CEP135: variants seen among roughly 807,000 people sequenced by gnomAD.
The protein encoded by CEP135 is centrosomal protein 135.
In CEP135, 142 loss-of-function variants were observed where a neutral mutation model predicts 157.3. That is an observed-to-expected ratio of 0.90 (90% confidence interval 0.79 to 1.04). CEP135 has a LOEUF of 1.04. CEP135 is among the 50% of genes least tolerant of loss of function. CEP135 has a pLI of 0.00. For synonymous variants in CEP135, 396 were observed against 439.8 expected, an observed-to-expected ratio of 0.90 and a Z score of 1.25; for missense variants, 1,317 against 1,309.2, an observed-to-expected ratio of 1.01 and a Z score of -0.09.
chr4:56,027,945 C>G (rs1245520778), intron 25 of CEP135, among the ~76,000 whole-genome samples: 2 of 152,128 alleles, frequency 1.3e-5, no homozygotes, highest in African/African-American at 2.4e-5. Context: ...CTTAACCTTC[C>G]CAGCTCCTAG....
chr4:55,978,175 C>T (rs1729285943), intron 11 of CEP135, among the ~76,000 whole-genome samples: 1 of 152,078 alleles, frequency 6.6e-6, no homozygotes, highest in African/African-American at 2.4e-5. Flanking sequence ...TCAGGGAACT[C>T]ATGTTTTACT....
intron 25 of CEP135, among the ~76,000 whole-genome samples, chr4:56,026,285 A>G (rs1049220172): frequency 6.6e-6 from 1 of 152,180 alleles, no homozygotes; most frequent in African/African-American, 2.4e-5. Flanking sequence ...TCCAGTCTGG[A>G]CAACAAAGCA....
intron 24 of CEP135, among the ~76,000 whole-genome samples, chr4:56,022,699 G>C (rs1731009433): frequency 6.6e-6 from 1 of 152,164 alleles, no homozygotes; most frequent in Non-Finnish European, 1.5e-5. Flanking sequence ...GACATACCCA[G>C]ACACAGGGAA....
intron 11 of CEP135, among the ~76,000 whole-genome samples, chr4:55,978,166 C>T (rs1376206922): frequency 3.3e-5 from 5 of 152,150 alleles, no homozygotes; most frequent in South Asian, 4.1e-4. Context: ...AGTAAATGTT[C>T]AGGGAACTCA....
At chr4:55,959,545 G>T (rs1560398401) in intron 5 of CEP135, 137 bp from the exon 6 acceptor site, 2 of 697,606 alleles carry the variant, frequency 2.9e-6, no homozygotes. Context: ...ATTGATTTGG[G>T]GACCCTTTGG....
At chr4:56,000,966 T>C (rs902416749) in intron 17 of CEP135, among the ~76,000 whole-genome samples, 1 of 152,156 alleles carries the variant, frequency 6.6e-6, no homozygotes, top group Non-Finnish European at 1.5e-5. Flanking sequence ...TGAGACGATA[T>C]CTCATTGTGG....
intron 25 of CEP135, among the ~76,000 whole-genome samples, chr4:56,029,972 AT>A (rs1731287945): frequency 6.6e-6 from 1 of 152,104 alleles, no homozygotes. Context: ...TATTGTTTTA[AT>A]TTTCTCCAAT....
intron 10 of CEP135, among the ~76,000 whole-genome samples, chr4:55,973,123 G>A (rs756070562): frequency 6.6e-6 from 1 of 152,096 alleles, no homozygotes; most frequent in Non-Finnish European, 1.5e-5. Context: ...TTGTTTCCCT[G>A]TGTTTTGGGT....
chr4:55,954,134 A>G, intron 3 of CEP135, 82 bp from the exon 4 acceptor site: 1 of 1,263,626 alleles, frequency 7.9e-7, no homozygotes, highest in Non-Finnish European at 1.1e-6. Flanking sequence ...AATTGATATG[A>G]CTTTTTGTAT....
At chr4:55,970,037 C>CTTTT (rs11404012) in intron 9 of CEP135, among the ~76,000 whole-genome samples, 1 of 141,330 alleles carries the variant, frequency 7.1e-6, no homozygotes. Context: ...CCGTGCCTAG[C>CTTTT]TTTTTTTTTT....
chr4:55,950,664 T>C (rs749360100), intron 1 of CEP135, among the ~76,000 whole-genome samples: 12 of 152,034 alleles, frequency 7.9e-5, no homozygotes, highest in Non-Finnish European at 1.8e-4. Context: ...AAATGCTCTT[T>C]GGATAACTCC....
In CEP135 at chr4:55,980,194, C is replaced by T; in HGVS notation, c.1525C>T (p.Gln509Ter). 6.2e-7 allele frequency: 1 copy of T among 1,610,334 alleles called. No individual in the cohort carries two copies. The highest frequency in any genetic ancestry group is 2.2e-5 in the East Asian group (1 of 44,786). ...GATCACAAGAGAAAGAGATGAACTT[C>T]AGCGTATGCTAGAAAGATTTGAAAA... ...HQITRERDELQRMLERFEKYM... is the reference protein window; with the variant it reads ...HQITRERDEL Residue 509 changes from glutamine to a stop codon, truncating the protein, a stop_gained, in exon 12 of 26, where the codon CAG becomes TAG. Transcript: ENST00000257287. LOFTEE classifies it high-confidence loss of function.
intron 8 of CEP135, among the ~76,000 whole-genome samples, chr4:55,967,824 C>G (rs921706866): frequency 6.6e-6 from 1 of 152,104 alleles, no homozygotes; most frequent in Non-Finnish European, 1.5e-5. Context: ...AACAATCATA[C>G]TCAGTGGTGA....
At chr4:55,956,945 T>G (rs1484054702) in intron 4 of CEP135, among the ~76,000 whole-genome samples, 1 of 152,104 alleles carries the variant, frequency 6.6e-6, no homozygotes, top group African/African-American at 2.4e-5. Context: ...CAAAGTCTTA[T>G]CCCCATCTAG....
At chr4:55,975,520 T>G (rs1229640415) in intron 11 of CEP135, among the ~76,000 whole-genome samples, 1 of 152,238 alleles carries the variant, frequency 6.6e-6, no homozygotes, top group Non-Finnish European at 1.5e-5. Flanking sequence ...AAAGATGTTC[T>G]CTCTATGTTA....
chr4:55,980,795 T>C (rs907772222), intron 12 of CEP135, among the ~76,000 whole-genome samples: 5 of 152,164 alleles, frequency 3.3e-5, no homozygotes. Flanking sequence ...TCACCTAAAT[T>C]TGTTCACATA....
chr4:55,950,176 G>GA (rs1290664158), intron 1 of CEP135, among the ~76,000 whole-genome samples: 13 of 152,168 alleles, frequency 8.5e-5, no homozygotes, highest in African/African-American at 2.9e-4. Context: ...ATACAGAAAG[G>GA]AGTGACCAAG....
chr4:55,969,152 G>GC, intron 9 of CEP135, 24 bp downstream of exon 9: 1 of 1,605,074 alleles, frequency 6.2e-7, no homozygotes, highest in East Asian at 2.2e-5. Flanking sequence ...ATGTTGAATT[G>GC]CCAGCATTTT....
intron 4 of CEP135, among the ~76,000 whole-genome samples, chr4:55,956,894 G>A (rs947737960): frequency 1.3e-5 from 2 of 152,096 alleles, no homozygotes; most frequent in South Asian, 2.1e-4. Context: ...GATTATAGGT[G>A]TGAGCCGCCA....
Sources: gnomAD v4.1 joint callset for allele counts (sites outside exome capture counted in the v4.1 genomes callset) on GRCh38, gnomAD v4.1.1 for gene constraint, MANE v1.5 for transcripts, NCBI Gene and HGNC (gene_info 2026-07-23, HGNC 2026-07-21) for gene names.